The following CDKL5 variants were observed in gnomAD, a reference collection of about 807,000 sequenced individuals.
CDKL5 encodes the protein cyclin dependent kinase like 5.
In CDKL5, 8 loss-of-function variants were observed where a neutral mutation model predicts 61.7. The observed-to-expected ratio is 0.13, with a 90% CI of 0.08 to 0.23. The LOEUF (loss-of-function observed/expected upper bound fraction) is 0.23. Among genes scored for constraint, CDKL5 ranks in the 10% least tolerant of loss-of-function variants. The probability of loss-of-function intolerance (pLI) is 1.00; values close to 1 mark genes in which losing one functional copy is unlikely to be tolerated. For missense variants in CDKL5, 440 were observed against 734.5 expected (o/e 0.60, Z 4.63); for synonymous variants, 275 against 272.3 (o/e 1.01, Z -0.10).
chrX:18,457,505 A>C (rs1874765703), intron 1 of CDKL5: 1 of 111,737 alleles, frequency 8.9e-6, no homozygotes, highest in Non-Finnish European at 1.9e-5. Context: ...CAAGGGGAAA[A>C]CATGGCTACT....
chrX:18,617,573 C>T (rs1363225186), intron 15 of CDKL5, among the ~76,000 whole-genome samples: 1 of 112,133 alleles, frequency 8.9e-6, no homozygotes, highest in Non-Finnish European at 1.9e-5. Context: ...TCCAGCCAGC[C>T]TCTTTCCATC....
intron 4 of CDKL5, among the ~76,000 whole-genome samples, chrX:18,574,824 C>T (rs1244163752): frequency 2.7e-5 from 3 of 112,129 alleles, no homozygotes; most frequent in Non-Finnish European, 5.6e-5. Context: ...ATGACCTCTG[C>T]TCCCTGAGGT....
intron 14 of CDKL5, among the ~76,000 whole-genome samples, chrX:18,610,574 A>G (rs1185832772): frequency 8.9e-6 from 1 of 112,774 alleles, no homozygotes; most frequent in Admixed American, 9.4e-5. Context: ...TTTCATAAAT[A>G]TTTGTCAATT....
chrX:18,463,997 G>A (rs1223613020), intron 1 of CDKL5, among the ~76,000 whole-genome samples: 1 of 110,111 alleles, frequency 9.1e-6, no homozygotes, highest in African/African-American at 3.3e-5. Context: ...ATCTTCTTAA[G>A]TATGGTGTGT....
chrX:18,429,217 G>A (rs978771171), intron 1 of CDKL5, among the ~76,000 whole-genome samples: 6 of 111,534 alleles, frequency 5.4e-5, no homozygotes, highest in African/African-American at 2.0e-4. Context: ...TATTTATTAG[G>A]TTAAAAGGAA....
chrX:18,561,417 TGAAG>T (rs776755129), intron 3 of CDKL5, among the ~76,000 whole-genome samples: 19 of 106,946 alleles, frequency 1.8e-4, no homozygotes, highest in South Asian at 8.0e-4. Context: ...TGGTAAACAG[TGAAG>T]GAAACTGAAT....
intron 1 of CDKL5, among the ~76,000 whole-genome samples, chrX:18,470,396 G>GAAAAGAAAAAAAAAA (rs1921050574): frequency 2.1e-5 from 2 of 94,959 alleles, no homozygotes; most frequent in Non-Finnish European, 4.3e-5. Context: ...AAAAAAAGAA[G>GAAAAGAAAAAAAAAA]TAAATGGATG....
At chrX:18,597,012 CAGTT>C (rs777340064) in intron 10 of CDKL5, among the ~76,000 whole-genome samples, 19 of 111,153 alleles carry the variant, frequency 1.7e-4, no homozygotes, top group African/African-American at 5.9e-4. Context: ...ATCTATATGT[CAGTT>C]ACTTTTTATA....
At chrX:18,585,333 C>T (rs185217459) in intron 8 of CDKL5, among the ~76,000 whole-genome samples, 3 of 110,963 alleles carry the variant, frequency 2.7e-5, no homozygotes, top group East Asian at 2.8e-4. Flanking sequence ...AGGCAGAGGT[C>T]GCAGTGGGCT....
intron 3 of CDKL5, among the ~76,000 whole-genome samples, chrX:18,558,725 AC>A (rs1924688413): frequency 8.9e-6 from 1 of 111,869 alleles, no homozygotes; most frequent in African/African-American, 3.3e-5. Context: ...AAAATAAGCA[AC>A]CATCTCACTG....
intron 1 of CDKL5, among the ~76,000 whole-genome samples, chrX:18,461,919 A>T (rs955363511): frequency 2.7e-5 from 3 of 111,367 alleles, no homozygotes; most frequent in African/African-American, 9.8e-5. Context: ...TCCATATCAC[A>T]GCATATCACA....
intron 1 of CDKL5, among the ~76,000 whole-genome samples, chrX:18,452,395 G>A (rs1041787224): frequency 1.8e-5 from 2 of 111,099 alleles, no homozygotes; most frequent in African/African-American, 3.3e-5. Flanking sequence ...TTAACACATC[G>A]CTTTCACTCT....
intron 1 of CDKL5, among the ~76,000 whole-genome samples, chrX:18,437,289 T>TA (rs1187562552): frequency 8.9e-6 from 1 of 111,966 alleles, no homozygotes; most frequent in Non-Finnish European, 1.9e-5. Context: ...TTTCTAAAGG[T>TA]ACCTTTTCTT....
intron 12 of CDKL5, among the ~76,000 whole-genome samples, chrX:18,606,010 C>T (rs749785287): frequency 5.5e-4 from 62 of 111,912 alleles, no homozygotes; most frequent in African/African-American, 1.8e-3. Context: ...GGTGAAACCC[C>T]GTCTCTACTA....
Position 18,635,259 on chromosome X carries a change from C to A in CDKL5, c.*6502C>A, listed in dbSNP as rs1321839444. The A allele has an allele frequency of 1.3e-6, 1 of 748,386 alleles. No individual in the cohort carries two copies. Among genetic ancestry groups the A allele is most frequent in the Non-Finnish European group, 1.6e-6 (1 of 635,768 alleles). The allele number at this position is 748,386 out of a possible 1,213,427, so 61.7% of individuals were successfully genotyped here. A position where few individuals can be genotyped will look rare whatever the true frequency, so the allele number is the denominator to read the frequency against. The stretch of plus-strand genomic sequence containing the variant: ...AACTTATGTAAAATTTCTATTGTTG[C>A]TGTAAATATTACACAAATATCTATT... On this transcript the variant is annotated 3_prime_UTR_variant, in exon 18 of 18. Coordinates refer to ENST00000623535, the MANE Select transcript of CDKL5 (RefSeq NM_001323289.2).
At chrX:18,509,197 G>GCACACGCGCGCGCACACACACACACA (rs1555940192) in intron 2 of CDKL5, among the ~76,000 whole-genome samples, 3 of 64,313 alleles carry the variant, frequency 4.7e-5, no homozygotes, top group African/African-American at 1.8e-4. Flanking sequence ...CTCAAAACAC[G>GCACACGCGCGCGCACACACACACACA]CACACACACA....
chrX:18,496,574 T>TA lies in CDKL5; in HGVS notation c.-162-10360dup, dbSNP rs762167744. On this transcript the variant is annotated intron_variant, in intron 1 of 17. Coordinates refer to ENST00000623535, the MANE Select transcript of CDKL5 (RefSeq NM_001323289.2). ...CCAGAAAGGGAAGGCTTGGCTGCAC[T>TA]ATGGAGATTCTGTTGGCCCCGTGAC... 4.3e-3 allele frequency among the ~76,000 whole-genome samples: 483 copies of TA among 111,780 alleles called. 2 individuals carry two copies. The highest frequency in any genetic ancestry group is 0.041 in the Middle Eastern group (9 of 218).
intron 1 of CDKL5, among the ~76,000 whole-genome samples, chrX:18,432,635 C>G (rs1408913885): frequency 1.1e-5 from 1 of 94,709 alleles, no homozygotes; most frequent in Non-Finnish European, 2.1e-5. Flanking sequence ...GACCGGATCT[C>G]AACTCTGTCA....
rs192002134 is a variant in CDKL5, at chrX:18,467,593, T to C, written c.-162-39342T>C. Among the ~76,000 whole-genome samples the C allele has an allele frequency of 2.8e-3, 317 of 111,867 alleles. 1 individual carries two copies. Among genetic ancestry groups the C allele is most frequent in the Middle Eastern group, 4.7e-3 (1 of 215 alleles). On this transcript the variant is annotated intron_variant, in intron 1 of 17. Transcript: ENST00000623535. ...AGTTGCAGCTGAGGGATCAGAGTAT[T>C]GTCATAGGTTGTCCTGTAGCATTTT...
Sources: gnomAD v4.1 joint callset for allele counts (sites outside exome capture counted in the v4.1 genomes callset) on GRCh38, gnomAD v4.1.1 for gene constraint, MANE v1.5 for transcripts, NCBI Gene and HGNC (gene_info 2026-07-23, HGNC 2026-07-21) for gene names.